CDC42EP3: variants seen among roughly 807,000 people sequenced by gnomAD.
CDC42EP3 encodes CDC42 effector protein (Rho GTPase binding) 3.
Under a neutral mutation model 15.5 loss-of-function variants are expected in CDC42EP3, and 4 were observed. The observed-to-expected ratio is 0.26, with a 90% CI of 0.13 to 0.59. The LOEUF (loss-of-function observed/expected upper bound fraction) is 0.59. Among genes scored for constraint, CDC42EP3 ranks in the 20% least tolerant of loss-of-function variants. The pLI is 0.89. For synonymous variants in CDC42EP3, 145 were observed against 130.3 expected, an observed-to-expected ratio of 1.11 and a Z score of -0.77; for missense variants, 309 against 311.2, an observed-to-expected ratio of 0.99 and a Z score of 0.05.
intron 1 of CDC42EP3, among the ~76,000 whole-genome samples, chr2:37,666,552 G>C (rs1666255106): frequency 6.6e-6 from 1 of 152,150 alleles, no homozygotes; most frequent in Admixed American, 6.5e-5. Flanking sequence ...TTTTAAATTT[G>C]GGATTCTAGA....
chr2:37,652,222 T>A (rs570274067), intron 1 of CDC42EP3, among the ~76,000 whole-genome samples: 15 of 141,208 alleles, frequency 1.1e-4, no homozygotes, highest in Admixed American at 5.0e-4. Flanking sequence ...GACACCTGGG[T>A]TCCAGGAGAC....
At position 37,649,445 on chromosome 2, in the gene CDC42EP3, CAAAAAAAAAAAAAA is replaced by C. The variant is rs57232687; in HGVS notation, c.-235-2637_-235-2624del. Among the ~76,000 whole-genome samples, 48 of 48,170 alleles carry C rather than the reference CAAAAAAAAAAAAAA, an allele frequency of 1.0e-3. 2 individuals carry two copies. The highest frequency in any genetic ancestry group is 3.0e-3 in the African/African-American group (41 of 13,550). The allele number at this position is 48,170 out of a possible 152,430, so 31.6% of individuals were successfully genotyped here. On this transcript the variant is annotated intron_variant, in intron 1 of 1. Transcript: ENST00000295324. ...ACTACAGCCTAGCAAGGCCTTGTCT[CAAAAAAAAAAAAAA>C]AAAAAAAAAAAAAAAAAAAAAAATC...
At chr2:37,658,485 G>T (rs1665954285) in intron 1 of CDC42EP3, among the ~76,000 whole-genome samples, 1 of 152,096 alleles carries the variant, frequency 6.6e-6, no homozygotes, top group African/African-American at 2.4e-5. Context: ...GAAAAGCATT[G>T]ATTGGCCTTT....
At chr2:37,649,877 T>G (rs929017308) in intron 1 of CDC42EP3, among the ~76,000 whole-genome samples, 2 of 152,172 alleles carry the variant, frequency 1.3e-5, no homozygotes, top group Non-Finnish European at 2.9e-5. Context: ...TGTAGTGAGA[T>G]TCTGGTGAGT....
chr2:37,645,835 A>G lies in CDC42EP3; in HGVS notation c.753T>C (p.Asp251=). The change falls in exon 2 of 2, where the codon GAT becomes GAC. Residue 251 remains aspartate, a synonymous_variant. Coordinates refer to ENST00000295324, the MANE Select transcript of CDC42EP3 (RefSeq NM_006449.5). The part of the protein sequence containing the change: ...SLLDEVLNVM[D]KNK ...AGTTGGCATCTTGTTACTTATTTTT[A>G]TCCATTACATTCAGCACCTCATCCA... 1.3e-6 allele frequency: 2 copies of G among 1,524,458 alleles called. No homozygotes were observed. The highest frequency in any genetic ancestry group is 2.8e-5 in the African/African-American group (2 of 71,880). 94.4% of individuals were successfully genotyped at this position (1,524,458 alleles called of 1,614,324 possible).
chr2:37,647,127 C>G (rs1665505598), intron 1 of CDC42EP3, among the ~76,000 whole-genome samples: 1 of 152,250 alleles, frequency 6.6e-6, no homozygotes, highest in Non-Finnish European at 1.5e-5. Context: ...TCAGTGATTT[C>G]AGCTCCTTAA....
chr2:37,660,014 T>C (rs1046476570), intron 1 of CDC42EP3, among the ~76,000 whole-genome samples: 6 of 152,100 alleles, frequency 3.9e-5, no homozygotes, highest in Admixed American at 2.6e-4. Flanking sequence ...TGGGTACCAG[T>C]TACCTTCATG....
In CDC42EP3 at chr2:37,642,521, G is replaced by A. The variant is rs1320782818; in HGVS notation, c.*3302C>T. ...GGATTTTATGAGAATTGCTAGATTT[G>A]GGGCTAGGTTAACCTCATTTCCAAA... On this transcript the variant is annotated 3_prime_UTR_variant, in exon 2 of 2. Transcript: ENST00000295324. The A allele has an allele frequency of 6.6e-6, 1 of 152,180 alleles. No homozygotes were observed. Among genetic ancestry groups the A allele is most frequent in the Non-Finnish European group, 1.5e-5 (1 of 68,024 alleles). 9.4% of individuals were successfully genotyped at this position (152,180 alleles called of 1,614,324 possible).
intron 1 of CDC42EP3, among the ~76,000 whole-genome samples, chr2:37,661,577 T>C (rs990918885): frequency 4.6e-5 from 7 of 152,154 alleles, no homozygotes; most frequent in African/African-American, 1.7e-4. Context: ...AAGTCCTGCT[T>C]TTGGGTTAAC....
chr2:37,656,888 C>G (rs1665867742), intron 1 of CDC42EP3, among the ~76,000 whole-genome samples: 1 of 150,814 alleles, frequency 6.6e-6, no homozygotes, highest in Non-Finnish European at 1.5e-5. Context: ...CTCACTAGGA[C>G]TTTTCAGTAT....
chr2:37,664,468 T>C lies in CDC42EP3; in HGVS notation c.-236+6958A>G, dbSNP rs1055778852. Among the ~76,000 whole-genome samples, 12 of 152,348 alleles carry C rather than the reference T, an allele frequency of 7.9e-5. No individual in the cohort carries two copies. In the East Asian group the frequency reaches 2.1e-3, roughly 27 times the overall value. ...CAGCCTATTATGGGATTTCACCTTA[T>C]GATCATGTGAGTCAACACTCCTTAA... On this transcript the variant is annotated intron_variant, in intron 1 of 1. Coordinates refer to ENST00000295324, the MANE Select transcript of CDC42EP3 (RefSeq NM_006449.5).
Position 37,646,063 on chromosome 2 carries a change from G to A in CDC42EP3, c.525C>T (p.Ser175=), listed in dbSNP as rs139184785. 682 of 1,614,166 alleles carry A rather than the reference G, an allele frequency of 4.2e-4. 1 individual carries two copies. The African/African-American group carries it at 7.7e-3, about 18-fold the overall frequency. The change falls in exon 2 of 2, where the codon AGC becomes AGT. Residue 175 remains serine, a synonymous_variant. Coordinates refer to ENST00000295324, the MANE Select transcript of CDC42EP3 (RefSeq NM_006449.5). ...CTTGGCTGGACTGAGATGCAGAACC[G>A]CTGGAGCCCCACGAGGTGTCTCCCT... ...VHQGDTSWGS[S]GSASQSSQGR...
intron 1 of CDC42EP3, among the ~76,000 whole-genome samples, chr2:37,660,299 G>T (rs916467362): frequency 1.3e-5 from 2 of 152,186 alleles, no homozygotes; most frequent in Non-Finnish European, 2.9e-5. Context: ...CTCCACAGTT[G>T]GAAGGGATTC....
chr2:37,668,559 T>G (rs1666313910), intron 1 of CDC42EP3, among the ~76,000 whole-genome samples: 1 of 152,218 alleles, frequency 6.6e-6, no homozygotes, highest in Non-Finnish European at 1.5e-5. Context: ...AAGTTCAGTT[T>G]TTTTTCCCAT....
chr2:37,646,462 G>C lies in CDC42EP3; in HGVS notation c.126C>G (p.Ile42Met). 2 of 1,614,182 alleles carry C rather than the reference G, an allele frequency of 1.2e-6. No homozygotes were observed. The highest frequency in any genetic ancestry group is 2.2e-5 in the South Asian group (2 of 91,070). ...CGTGCTGGCCCTCTTTGCCAATGTG[G>C]ATGGTGTGGCGAAAGTCTCCAAGCG... ...SPPLGDFRHT[I>M]HIGKEGQHDV... The change falls in exon 2 of 2, where the codon ATC becomes ATG. Residue 42 changes from isoleucine (I) to methionine (M), a missense_variant. Ile to Met is a conservative substitution (Grantham distance 10). Coordinates refer to ENST00000295324, the MANE Select transcript of CDC42EP3 (RefSeq NM_006449.5).
intron 1 of CDC42EP3, among the ~76,000 whole-genome samples, chr2:37,650,896 C>T (rs1665652719): frequency 6.6e-6 from 1 of 152,150 alleles, no homozygotes; most frequent in African/African-American, 2.4e-5. Flanking sequence ...ATCATATGCC[C>T]TCTGACCTCA....
intron 1 of CDC42EP3, among the ~76,000 whole-genome samples, chr2:37,659,260 C>A (rs1331075626): frequency 1.3e-5 from 2 of 152,204 alleles, no homozygotes; most frequent in Non-Finnish European, 2.9e-5. Context: ...CTCTTTAACC[C>A]TGCCTGCTCT....
intron 1 of CDC42EP3, among the ~76,000 whole-genome samples, chr2:37,659,900 G>A (rs781247520): frequency 1.3e-4 from 20 of 152,298 alleles, no homozygotes; most frequent in Non-Finnish European, 2.6e-4. Context: ...CCGACTGTAC[G>A]GGCCAACGAA....
intron 1 of CDC42EP3, among the ~76,000 whole-genome samples, chr2:37,654,001 G>A (rs992837158): frequency 2.6e-5 from 4 of 152,094 alleles, no homozygotes; most frequent in East Asian, 1.9e-4. Flanking sequence ...CAGCACAGTC[G>A]CACTATGCGG....
Sources: allele counts gnomAD v4.1 joint callset (sites outside exome capture counted in the v4.1 genomes callset), GRCh38; gene constraint gnomAD v4.1.1; transcripts MANE v1.5; gene names NCBI Gene and HGNC (gene_info 2026-07-23, HGNC 2026-07-21).